SEMA4D: variants seen among roughly 807,000 people sequenced by gnomAD.
The protein encoded by SEMA4D is semaphorin-4D.
Under a neutral mutation model 74.8 loss-of-function variants are expected in SEMA4D, and 22 were observed. That is an observed-to-expected ratio of 0.29 (90% CI 0.21 to 0.42). SEMA4D has a LOEUF of 0.42. Ranked by LOEUF, SEMA4D falls within the 10% of genes least tolerant of loss-of-function variation. The probability of loss-of-function intolerance (pLI) is 1.00; values close to 1 mark genes in which losing one functional copy is unlikely to be tolerated. For synonymous variants in SEMA4D, 445 were observed against 463.7 expected (o/e 0.96, Z 0.52); for missense variants, 937 against 1,118.4 (o/e 0.84, Z 2.31).
Position 89,405,537 on chromosome 9 carries a change from G to A in SEMA4D, c.-81C>T, listed in dbSNP as rs543784795. The A allele has an allele frequency of 1.2e-4, 194 of 1,568,844 alleles. No homozygotes were observed. Among genetic ancestry groups the A allele is most frequent in the African/African-American group, 6.5e-4 (48 of 74,138 alleles). On this transcript the variant is annotated 5_prime_UTR_variant, in exon 3 of 16. Transcript: ENST00000422704. The stretch of plus-strand genomic sequence containing the variant: ...CGGGCAGGTGTGCTATTGCAGATGC[G>A]GCTCAGCGCCCCAGGACCAGGGCCA...
At chr9:89,467,733 C>T (rs7847226) in intron 1 of SEMA4D, among the ~76,000 whole-genome samples, 4 of 152,040 alleles carry the variant, frequency 2.6e-5, no homozygotes, top group African/African-American at 9.7e-5. Flanking sequence ...GATTTCACCA[C>T]GTTGGTCAGG....
chr9:89,410,842 C>T (rs56339712), intron 2 of SEMA4D, among the ~76,000 whole-genome samples: 34,279 of 152,162 alleles, frequency 0.23, 4,320 homozygotes, highest in Non-Finnish European at 0.28. Flanking sequence ...GAGTGCCCCA[C>T]TGGAGGCAGC....
intron 2 of SEMA4D, among the ~76,000 whole-genome samples, chr9:89,409,582 T>C (rs1844071189): frequency 6.6e-6 from 1 of 152,090 alleles, no homozygotes; most frequent in Non-Finnish European, 1.5e-5. Context: ...ATAAAGTCTA[T>C]TAAAATCAGT....
At chr9:89,454,537 T>C (rs938389504) in intron 2 of SEMA4D, among the ~76,000 whole-genome samples, 9 of 152,126 alleles carry the variant, frequency 5.9e-5, no homozygotes, top group Non-Finnish European at 1.0e-4. Context: ...TCTGATGACC[T>C]CTTCTCTTCT....
intron 2 of SEMA4D, among the ~76,000 whole-genome samples, chr9:89,411,093 C>T (rs756131909): frequency 1.6e-4 from 24 of 152,090 alleles, no homozygotes; most frequent in Admixed American, 2.0e-4. Flanking sequence ...GCAGAGAGAG[C>T]GGGGAGCTGG....
intron 11 of SEMA4D, 39 bp downstream of exon 11, chr9:89,388,597 G>C: frequency 1.3e-6 from 2 of 1,574,470 alleles, no homozygotes; most frequent in Admixed American, 1.9e-5. Context: ...CCTGGGCCTT[G>C]AAGGGAAAGC....
intron 13 of SEMA4D, chr9:89,385,082 T>C: frequency 2.0e-6 from 2 of 978,480 alleles, no homozygotes; most frequent in Non-Finnish European, 2.4e-6. Flanking sequence ...GCTCCCTGTG[T>C]GGCCAGCTGC....
chr9:89,480,082 A>C (rs1202469585), intron 1 of SEMA4D, among the ~76,000 whole-genome samples: 9 of 152,178 alleles, frequency 5.9e-5, no homozygotes, highest in African/African-American at 2.2e-4. Flanking sequence ...AGGTTCTCCA[A>C]GGCCCCACCA....
chr9:89,424,570 T>C lies in SEMA4D; in HGVS notation c.-243-18871A>G, dbSNP rs1444405341. 2.0e-5 allele frequency among the ~76,000 whole-genome samples: 3 copies of C among 152,266 alleles called. 1 individual carries two copies. The highest frequency in any genetic ancestry group is 6.8e-3 in the Middle Eastern group (2 of 294). ...TCTTTTTTTTCAGAACCTTGCACCC[T>C]TAATTCCTGAGTGTCTCCTTTCTCT... is the stretch of plus-strand genomic sequence containing the variant. On this transcript the variant is annotated intron_variant, in intron 2 of 15. Coordinates refer to ENST00000422704, the MANE Select transcript of SEMA4D (RefSeq NM_001371194.2).
intron 1 of SEMA4D, among the ~76,000 whole-genome samples, chr9:89,458,216 A>C (rs745961375): frequency 1.4e-4 from 22 of 152,110 alleles, no homozygotes; most frequent in Non-Finnish European, 1.9e-4. Context: ...TTTTGGGAGG[A>C]CAGTCCAGAG....
intron 1 of SEMA4D, among the ~76,000 whole-genome samples, chr9:89,460,135 C>A (rs1856875299): frequency 6.6e-6 from 1 of 152,206 alleles, no homozygotes; most frequent in Non-Finnish European, 1.5e-5. Flanking sequence ...TGCTCCCGAT[C>A]ACTCACAACA....
intron 2 of SEMA4D, among the ~76,000 whole-genome samples, chr9:89,426,866 C>T (rs1848230378): frequency 6.6e-6 from 1 of 152,212 alleles, no homozygotes; most frequent in African/African-American, 2.4e-5. Flanking sequence ...GGGCAGGTGA[C>T]AAGCATCACA....
intron 1 of SEMA4D, among the ~76,000 whole-genome samples, chr9:89,460,636 C>T (rs989352105): frequency 1.3e-5 from 2 of 152,234 alleles, no homozygotes; most frequent in African/African-American, 2.4e-5. Context: ...GCTCATGAGA[C>T]GGCTCAAGAA....
chr9:89,470,022 A>C (rs1859776621), intron 1 of SEMA4D, among the ~76,000 whole-genome samples: 1 of 152,242 alleles, frequency 6.6e-6, no homozygotes, highest in African/African-American at 2.4e-5. Flanking sequence ...CTTTTTGTAC[A>C]AAAAAGCTCT....
At chr9:89,382,823 C>G (rs1464614604) in intron 13 of SEMA4D, among the ~76,000 whole-genome samples, 1 of 152,160 alleles carries the variant, frequency 6.6e-6, no homozygotes, top group African/African-American at 2.4e-5. Flanking sequence ...AGCAGGGTGC[C>G]CTGGGTGGCC....
Position 89,378,582 on chromosome 9 carries a change from G to T in SEMA4D, c.*122C>A. 1 of 684,396 alleles carries T rather than the reference G, an allele frequency of 1.5e-6. No homozygotes were observed. Among genetic ancestry groups the T allele is most frequent in the Non-Finnish European group, 2.5e-6 (1 of 399,144 alleles). 42.4% of individuals were successfully genotyped at this position (684,396 alleles called of 1,614,324 possible). The stretch of plus-strand genomic sequence containing the variant: ...ATAGACAAGAGGACTGAGGTTGTCT[G>T]CACGATGCGGGCTAACCTACGCAGC... On this transcript the variant is annotated 3_prime_UTR_variant, in exon 16 of 16. Transcript: ENST00000422704.
At chr9:89,495,161 G>A (rs535649994) in intron 1 of SEMA4D, among the ~76,000 whole-genome samples, 2 of 152,260 alleles carry the variant, frequency 1.3e-5, no homozygotes, top group South Asian at 4.1e-4. Context: ...GTTTGCACAG[G>A]TGCTGTGGGA....
Position 89,442,627 on chromosome 9 carries a change from T to C in SEMA4D, c.-244+13261A>G, listed in dbSNP as rs532505834. ...TTCAAGGTAAAAATGGAAAAGACAA[T>C]GAGTTTCACTTCCACAGGCCCCAAC... On this transcript the variant is annotated intron_variant, in intron 2 of 15. Coordinates refer to ENST00000422704, the MANE Select transcript of SEMA4D (RefSeq NM_001371194.2). Among the ~76,000 whole-genome samples the C allele has an allele frequency of 6.6e-5, 10 of 152,070 alleles. No individual in the cohort carries two copies. The South Asian group carries it at 1.2e-3, about 19-fold the overall frequency.
In SEMA4D at chr9:89,461,700, C is replaced by CTCTCTCTT. The variant is rs71281350; in HGVS notation, c.-309-5748_-309-5747insAAGAGAGA. 2.1e-3 allele frequency among the ~76,000 whole-genome samples: 220 copies of CTCTCTCTT among 103,654 alleles called. 4 individuals carry two copies. Among genetic ancestry groups the CTCTCTCTT allele is most frequent in the African/African-American group, 6.9e-3 (200 of 28,844 alleles). The allele number at this position is 103,654 out of a possible 152,430, so 68.0% of individuals were successfully genotyped here. A position where few individuals can be genotyped will look rare whatever the true frequency, so the allele number is the denominator to read the frequency against. ...GGGCCAATGTGTATTTCTTTTTTCT[C>CTCTCTCTT]TTTTTTTTTTTTTTTTTTTGGAGAC... is the stretch of plus-strand genomic sequence containing the variant. On this transcript the variant is annotated intron_variant, in intron 1 of 15. Coordinates refer to ENST00000422704, the MANE Select transcript of SEMA4D (RefSeq NM_001371194.2).
Sources: allele counts gnomAD v4.1 joint callset (sites outside exome capture counted in the v4.1 genomes callset), GRCh38; gene constraint gnomAD v4.1.1; transcripts MANE v1.5; gene names NCBI Gene and HGNC (gene_info 2026-07-23, HGNC 2026-07-21).